The following IRF2 variants were observed in gnomAD, a reference collection of about 807,000 sequenced individuals.
IRF2 encodes interferon regulatory factor 2.
Under a neutral mutation model 40.6 loss-of-function variants are expected in IRF2, and 15 were observed. The ratio of observed to expected loss-of-function variants is 0.37; its 90% confidence interval spans 0.25 to 0.57. The LOEUF (loss-of-function observed/expected upper bound fraction) is 0.57. Among genes scored for constraint, IRF2 ranks in the 20% least tolerant of loss-of-function variants. The pLI is 0.77. For synonymous variants in IRF2, 151 were observed against 165.5 expected (o/e 0.91, Z 0.67); for missense variants, 317 against 455.7 (o/e 0.70, Z 2.77).
Position 184,438,606 on chromosome 4 carries a change from T to C in IRF2, c.-6-9536A>G, listed in dbSNP as rs189305476. ...CGGCAGAGAGAGGGAGGGGGCACTG[T>C]GGGAAGTAGAATGCAGAAGAGGATA... On this transcript the variant is annotated intron_variant, in intron 1 of 8. Coordinates refer to ENST00000393593, the MANE Select transcript of IRF2 (RefSeq NM_002199.4). Among the ~76,000 whole-genome samples, 324 of 152,090 alleles carry C rather than the reference T, an allele frequency of 2.1e-3. 2 individuals are homozygous for C. Among genetic ancestry groups the C allele is most frequent in the African/African-American group, 7.1e-3 (296 of 41,510 alleles).
At position 184,446,820 on chromosome 4, in the gene IRF2, T is replaced by C. The variant is rs568097300; in HGVS notation, c.-6-17750A>G. Among the ~76,000 whole-genome samples the C allele has an allele frequency of 1.1e-4, 16 of 151,582 alleles. No individual in the cohort carries two copies. In the South Asian group the frequency reaches 3.3e-3, roughly 32 times the overall value. On this transcript the variant is annotated intron_variant, in intron 1 of 8. Transcript: ENST00000393593. The stretch of plus-strand genomic sequence containing the variant: ...TAAAAAAAAAATTAGCCAGGCGTGG[T>C]GACGGGCACCTGTAGTCCCAGCTAC...
At chr4:184,471,579 C>T (rs1739515476) in intron 1 of IRF2, among the ~76,000 whole-genome samples, 1 of 152,170 alleles carries the variant, frequency 6.6e-6, no homozygotes, top group Non-Finnish European at 1.5e-5. Context: ...GCTCTAAAAA[C>T]AACAGTTTTG....
At chr4:184,451,438 T>C (rs1405129413) in intron 1 of IRF2, among the ~76,000 whole-genome samples, 3 of 152,208 alleles carry the variant, frequency 2.0e-5, no homozygotes, top group Non-Finnish European at 4.4e-5. Context: ...TTAAACTCTA[T>C]ACATTATCTC....
At chr4:184,444,956 G>A (rs572613549) in intron 1 of IRF2, among the ~76,000 whole-genome samples, 2 of 152,182 alleles carry the variant, frequency 1.3e-5, no homozygotes, top group African/African-American at 2.4e-5. Context: ...GGAGCAGGTG[G>A]TTTTAACCAT....
intron 7 of IRF2, among the ~76,000 whole-genome samples, chr4:184,397,913 T>C (rs1736526002): frequency 6.6e-6 from 1 of 152,228 alleles, no homozygotes; most frequent in Non-Finnish European, 1.5e-5. Context: ...CCTTTTACTC[T>C]GGAAGAATGG....
In IRF2 at chr4:184,398,908, C is replaced by G. The variant is rs375169477; in HGVS notation, c.694+7G>C. The G allele has an allele frequency of 1.3e-5, 21 of 1,591,770 alleles. No homozygotes were observed. The African/African-American group carries it at 2.8e-4, about 22-fold the overall frequency. ...CACGCCTCCCGGAGCCTCCCGCTGACGCTTACCTGCATAGGAAGACACGGG... is the reference window on the plus strand; with the variant it reads ...CACGCCTCCCGGAGCCTCCCGCTGAGGCTTACCTGCATAGGAAGACACGGG... On this transcript the variant is annotated splice_region_variant and intron_variant, in intron 7 of 8. Transcript: ENST00000393593.
At chr4:184,462,502 G>A (rs993096791) in intron 1 of IRF2, among the ~76,000 whole-genome samples, 3 of 152,138 alleles carry the variant, frequency 2.0e-5, no homozygotes, top group African/African-American at 7.2e-5. Context: ...GAATTTCATC[G>A]CCTAGATGTT....
At chr4:184,393,354 G>A (rs969264001) in intron 7 of IRF2, among the ~76,000 whole-genome samples, 2 of 152,074 alleles carry the variant, frequency 1.3e-5, no homozygotes, top group Non-Finnish European at 1.5e-5. Flanking sequence ...CCTTTCATAC[G>A]GGTTCAGATG....
At chr4:184,419,358 G>C (rs1737397206) in intron 3 of IRF2, 111 bp downstream of exon 3, 3 of 771,912 alleles carry the variant, frequency 3.9e-6, no homozygotes, top group African/African-American at 1.7e-5. Context: ...CAAGTCACAG[G>C]TTTTTCAGAG....
At chr4:184,390,451 TGCTATCACA>T (rs1561079161) in intron 8 of IRF2, among the ~76,000 whole-genome samples, 2 of 152,340 alleles carry the variant, frequency 1.3e-5, no homozygotes, top group African/African-American at 2.4e-5. Context: ...TCCCTTTTCC[TGCTATCACA>T]GCTTCTCTAC....
At chr4:184,466,136 C>T (rs1468665183) in intron 1 of IRF2, among the ~76,000 whole-genome samples, 11 of 151,498 alleles carry the variant, frequency 7.3e-5, no homozygotes, top group South Asian at 2.1e-4. Context: ...CTGCAACCTC[C>T]GCCGCCTGGG....
chr4:184,444,489 C>G (rs561150140), intron 1 of IRF2, among the ~76,000 whole-genome samples: 1 of 152,334 alleles, frequency 6.6e-6, no homozygotes, highest in East Asian at 1.9e-4. Flanking sequence ...AGATGTGTAA[C>G]ATGCCTAGCC....
At chr4:184,429,158 C>A in intron 1 of IRF2, 88 bp from the exon 2 acceptor site, 1 of 942,526 alleles carries the variant, frequency 1.1e-6, no homozygotes, top group Non-Finnish European at 1.7e-6. Context: ...CTGACTCTTT[C>A]CTTCTCTCCT....
At chr4:184,429,157 T>C in intron 1 of IRF2, 87 bp from the exon 2 acceptor site, 2 of 799,198 alleles carry the variant, frequency 2.5e-6, no homozygotes, top group Non-Finnish European at 4.0e-6. Context: ...CCTGACTCTT[T>C]CCTTCTCTCC....
chr4:184,398,614 C>T (rs1736552589), intron 7 of IRF2, among the ~76,000 whole-genome samples: 2 of 151,512 alleles, frequency 1.3e-5, no homozygotes, highest in South Asian at 2.1e-4. Context: ...CGAGATCATC[C>T]CACTGCACTC....
At chr4:184,393,175 C>T (rs1350107121) in intron 7 of IRF2, among the ~76,000 whole-genome samples, 4 of 152,204 alleles carry the variant, frequency 2.6e-5, no homozygotes, top group Non-Finnish European at 5.9e-5. Context: ...AAGTTGCCAA[C>T]TGAGACAGCA....
In IRF2 at chr4:184,407,515, C is replaced by T. The variant is rs1347301681; in HGVS notation, c.529+643G>A. The stretch of plus-strand genomic sequence containing the variant: ...GAGGGAAAACACTGCTCCTCTGAGA[C>T]CTCCAATCTAAATTTGGTGCCTTGA... On this transcript the variant is annotated intron_variant, in intron 6 of 8. Transcript: ENST00000393593. 1.4e-4 allele frequency among the ~76,000 whole-genome samples: 22 copies of T among 152,200 alleles called. 1 individual carries two copies. Among genetic ancestry groups the T allele is most frequent in the Admixed American group, 1.4e-3 (22 of 15,290 alleles).
intron 2 of IRF2, among the ~76,000 whole-genome samples, chr4:184,427,472 A>AG (rs1442401443): frequency 1.3e-5 from 2 of 152,162 alleles, no homozygotes; most frequent in African/African-American, 2.4e-5. Flanking sequence ...TGGGCAACAT[A>AG]GTGAAACCCC....
chr4:184,464,176 A>C (rs748452019), intron 1 of IRF2, among the ~76,000 whole-genome samples: 2 of 152,136 alleles, frequency 1.3e-5, no homozygotes, highest in Admixed American at 6.6e-5. Flanking sequence ...TAGGATAGGA[A>C]GATATGAAGA....
Sources: allele counts gnomAD v4.1 joint callset (sites outside exome capture counted in the v4.1 genomes callset), GRCh38; gene constraint gnomAD v4.1.1; transcripts MANE v1.5; gene names NCBI Gene and HGNC (gene_info 2026-07-23, HGNC 2026-07-21).